DMD: variants seen among roughly 807,000 people sequenced by gnomAD.
DMD encodes the protein mutant dystrophin.
Under a neutral mutation model 330.1 loss-of-function variants are expected in DMD, and 63 were observed. The observed-to-expected ratio is 0.19, with a 90% CI of 0.16 to 0.24. DMD has a LOEUF of 0.24. Ranked by LOEUF, DMD falls within the 10% of genes least tolerant of loss-of-function variation. DMD has a pLI of 1.00. For missense variants in DMD, 3,344 were observed against 2,684.1 expected (o/e 1.25, Z -5.43); for synonymous variants, 1,223 against 959.8 (o/e 1.27, Z -5.07).
chrX:31,505,399 C>T (rs1366642668), intron 56 of DMD, among the ~76,000 whole-genome samples: 1 of 111,208 alleles, frequency 9.0e-6, no homozygotes, highest in Non-Finnish European at 1.9e-5. Context: ...TTGTGAAAAA[C>T]AAAACAAAAC....
intron 13 of DMD, 132 bp downstream of exon 13, chrX:32,595,623 AGT>A: frequency 1.7e-6 from 1 of 596,511 alleles, no homozygotes; most frequent in Admixed American, 2.9e-5. Flanking sequence ...GCTGATTATG[AGT>A]GTGTGTATAT....
chrX:33,265,487 T>C (rs1035326231), intron 1 of DMD, among the ~76,000 whole-genome samples: 1 of 111,650 alleles, frequency 9.0e-6, no homozygotes, highest in African/African-American at 3.2e-5. Flanking sequence ...TTTTACTTCT[T>C]CTTTTTGCAT....
At chrX:32,725,292 G>C (rs981575137) in intron 7 of DMD, among the ~76,000 whole-genome samples, 1 of 110,809 alleles carries the variant, frequency 9.0e-6, no homozygotes, top group Non-Finnish European at 1.9e-5. Flanking sequence ...ATGGATCATA[G>C]TCACTTATGA....
rs111901844 is a variant in DMD at position 32,655,224 on chromosome X, T to G, written c.961-10072A>C. ...TTGCTTCTCTAGTTCTTTTAATTGT[T>G]ATGTTAGGGTGTCAATTTTAGATCT... On this transcript the variant is annotated intron_variant, in intron 9 of 78. Coordinates refer to ENST00000357033, the MANE Select transcript of DMD (RefSeq NM_004006.3). Among the ~76,000 whole-genome samples, 904 of 111,895 alleles carry G rather than the reference T, an allele frequency of 8.1e-3. 4 individuals carry two copies. Among genetic ancestry groups the G allele is most frequent in the African/African-American group, 0.022 (688 of 30,821 alleles).
At position 32,518,027 on chromosome X, in the gene DMD, T is replaced by G. The variant is rs750526692; in HGVS notation, c.2273A>C (p.Asp758Ala). 203 of 1,209,072 alleles carry G rather than the reference T, an allele frequency of 1.7e-4. No individual in the cohort carries two copies. The South Asian group carries it at 3.3e-3, about 20-fold the overall frequency. The part of the protein sequence containing the change: ...AIFRKEGNFS[D>A]LKEKVNAIER... The stretch of plus-strand genomic sequence containing the variant: ...ACCTACATTGACTTTTTCTTTTAAG[T>G]CTGAGAAGTTGCCTTCCTTCCGAAA... Residue 758 changes from aspartate to alanine, a missense_variant, in exon 18 of 79, where the codon GAC becomes GCC. Asp to Ala is a moderately radical substitution (Grantham distance 126, BLOSUM62 -2). Transcript: ENST00000357033.
intron 55 of DMD, among the ~76,000 whole-genome samples, chrX:31,582,289 C>T (rs1020788250): frequency 1.8e-5 from 2 of 110,867 alleles, no homozygotes; most frequent in Non-Finnish European, 1.9e-5. Context: ...AAGGTCTTTG[C>T]GGCAGATGGA....
chrX:33,230,043 C>T (rs189531359), intron 1 of DMD, among the ~76,000 whole-genome samples: 3 of 111,860 alleles, frequency 2.7e-5, no homozygotes, highest in Non-Finnish European at 3.8e-5. Context: ...ACAAAGATTG[C>T]GAACATAGCA....
intron 2 of DMD, among the ~76,000 whole-genome samples, chrX:32,938,923 C>T (rs1270388434): frequency 9.1e-6 from 1 of 109,600 alleles, no homozygotes; most frequent in African/African-American, 3.3e-5. Flanking sequence ...TGAGGATATC[C>T]GACAATACTG....
chrX:32,988,267 CAT>C lies in DMD; in HGVS notation c.93+31870_93+31871del, dbSNP rs1348371066. ...TTCTGGAATCTGAATCAGCCACACA[CAT>C]GTGTTTCTGACTTTATTCATTAAGA... On this transcript the variant is annotated intron_variant, in intron 2 of 78. Coordinates refer to ENST00000357033, the MANE Select transcript of DMD (RefSeq NM_004006.3). 3.6e-5 allele frequency among the ~76,000 whole-genome samples: 4 copies of C among 111,632 alleles called. No homozygotes were observed. The East Asian group carries it at 1.1e-3, about 32-fold the overall frequency.
intron 1 of DMD, among the ~76,000 whole-genome samples, chrX:33,273,173 TCAAA>T (rs2053186718): frequency 8.9e-6 from 1 of 112,212 alleles, no homozygotes; most frequent in African/African-American, 3.2e-5. Context: ...CAATGTAACA[TCAAA>T]CAGTGACCCT....
intron 7 of DMD, among the ~76,000 whole-genome samples, chrX:32,744,020 A>G (rs1380313517): frequency 9.0e-6 from 1 of 110,960 alleles, no homozygotes; most frequent in East Asian, 2.8e-4. Context: ...TAGCTAGACT[A>G]TTTACCCTGT....
chrX:32,725,408 G>A (rs774617583), intron 7 of DMD, among the ~76,000 whole-genome samples: 10 of 110,531 alleles, frequency 9.0e-5, no homozygotes, highest in South Asian at 3.8e-4. Flanking sequence ...TTTAATGACC[G>A]CCTATAAAGA....
chrX:32,372,298 G>A (rs1410330269), intron 34 of DMD, among the ~76,000 whole-genome samples: 1 of 111,575 alleles, frequency 9.0e-6, no homozygotes, highest in Non-Finnish European at 1.9e-5. Flanking sequence ...TATGTACATG[G>A]GAAATATCAG....
chrX:32,672,281 TA>T (rs772298511), intron 9 of DMD, among the ~76,000 whole-genome samples: 73 of 110,032 alleles, frequency 6.6e-4, no homozygotes, highest in African/African-American at 2.4e-3. Flanking sequence ...GTACAGAACA[TA>T]AAAAAAATGC....
intron 26 of DMD, among the ~76,000 whole-genome samples, chrX:32,450,170 A>G (rs1031686515): frequency 9.0e-6 from 1 of 110,922 alleles, no homozygotes; most frequent in Non-Finnish European, 1.9e-5. Flanking sequence ...CTCAGGTTCT[A>G]TAATGTAGAA....
intron 50 of DMD, among the ~76,000 whole-genome samples, chrX:31,791,486 C>G (rs1359946991): frequency 9.0e-6 from 1 of 111,214 alleles, no homozygotes; most frequent in East Asian, 2.8e-4. Flanking sequence ...ATATTGCCAA[C>G]ATCTGTGATG....
chrX:32,532,633 G>C (rs751270662), intron 17 of DMD, among the ~76,000 whole-genome samples: 12 of 112,352 alleles, frequency 1.1e-4, no homozygotes, highest in Non-Finnish European at 2.1e-4. Context: ...CAAATACTTG[G>C]TAGAAGCCAT....
intron 62 of DMD, among the ~76,000 whole-genome samples, chrX:31,288,527 G>A (rs751101656): frequency 1.8e-5 from 2 of 111,967 alleles, no homozygotes; most frequent in African/African-American, 6.5e-5. Context: ...ATGTGGGTAT[G>A]TTCCCGACAA....
At chrX:31,998,893 C>A (rs1410537295) in intron 44 of DMD, among the ~76,000 whole-genome samples, 1 of 111,968 alleles carries the variant, frequency 8.9e-6, no homozygotes, top group Non-Finnish European at 1.9e-5. Flanking sequence ...CACATAGTCA[C>A]ACCATGCTGA....
Sources: gnomAD v4.1 joint callset for allele counts (sites outside exome capture counted in the v4.1 genomes callset) on GRCh38, gnomAD v4.1.1 for gene constraint, MANE v1.5 for transcripts, NCBI Gene and HGNC (gene_info 2026-07-23, HGNC 2026-07-21) for gene names.